The following USP12 variants were observed in gnomAD, a reference collection of about 807,000 sequenced individuals.
USP12 encodes the protein ubiquitin carboxyl-terminal hydrolase 12.
A neutral mutation model predicts 45.5 loss-of-function variants in USP12; 19 were observed. The observed-to-expected ratio is 0.42, with a 90% CI of 0.29 to 0.61. The LOEUF is 0.61. Among genes scored for constraint, USP12 ranks in the 20% least tolerant of loss-of-function variants. USP12 has a pLI of 0.22. For synonymous variants in USP12, 149 were observed against 148.8 expected, an observed-to-expected ratio of 1.00 and a Z score of -0.01; for missense variants, 242 against 447.7, an observed-to-expected ratio of 0.54 and a Z score of 4.15.
At chr13:27,150,984 A>G (rs9512557) in intron 1 of USP12, among the ~76,000 whole-genome samples, 91,547 of 151,922 alleles carry the variant, frequency 0.6, 28,471 homozygotes, top group East Asian at 0.84. Context: ...GGATTGACAC[A>G]GGATTTGGCA....
At chr13:27,077,039 G>A (rs1385954064) in intron 6 of USP12, among the ~76,000 whole-genome samples, 1 of 152,054 alleles carries the variant, frequency 6.6e-6, no homozygotes, top group East Asian at 1.9e-4. Context: ...CTTTTACATT[G>A]TAAAAAATCC....
At chr13:27,081,037 G>A (rs765281543) in intron 6 of USP12, among the ~76,000 whole-genome samples, 31 of 127,222 alleles carry the variant, frequency 2.4e-4, no homozygotes, top group Admixed American at 4.6e-4. Context: ...TTTTTGAGAC[G>A]GAGTCTTGCT....
intron 7 of USP12, among the ~76,000 whole-genome samples, chr13:27,074,498 C>T (rs1873390375): frequency 6.6e-6 from 1 of 152,030 alleles, no homozygotes; most frequent in African/African-American, 2.4e-5. Context: ...GCTGTTAGTA[C>T]AAGTTTCCCA....
At chr13:27,149,009 C>G (rs1323655112) in intron 1 of USP12, among the ~76,000 whole-genome samples, 1 of 151,992 alleles carries the variant, frequency 6.6e-6, no homozygotes, top group Non-Finnish European at 1.5e-5. Flanking sequence ...ATGGTGAGAA[C>G]CCATCTCCAC....
chr13:27,096,223 A>T (rs1374361879), intron 3 of USP12, among the ~76,000 whole-genome samples: 1 of 152,248 alleles, frequency 6.6e-6, no homozygotes, highest in African/African-American at 2.4e-5. Flanking sequence ...ACTGCTTTAG[A>T]CCCACAAAGT....
At chr13:27,130,295 G>T (rs1480715802) in intron 1 of USP12, among the ~76,000 whole-genome samples, 1 of 152,076 alleles carries the variant, frequency 6.6e-6, no homozygotes, top group Non-Finnish European at 1.5e-5. Flanking sequence ...CTTTATTGAG[G>T]GGGATGGGGA....
intron 1 of USP12, among the ~76,000 whole-genome samples, chr13:27,134,479 G>A (rs1318055079): frequency 6.6e-6 from 1 of 152,040 alleles, no homozygotes; most frequent in Non-Finnish European, 1.5e-5. Context: ...CCACATAAAA[G>A]GTAAGCTGTC....
At chr13:27,165,699 A>C (rs891069439) in intron 1 of USP12, among the ~76,000 whole-genome samples, 1 of 152,230 alleles carries the variant, frequency 6.6e-6, no homozygotes, top group Non-Finnish European at 1.5e-5. Flanking sequence ...CAAAGAAAAA[A>C]GTGTCAAAAA....
chr13:27,112,672 C>G (rs1875511928), intron 2 of USP12, among the ~76,000 whole-genome samples: 1 of 152,144 alleles, frequency 6.6e-6, no homozygotes, highest in Non-Finnish European at 1.5e-5. Flanking sequence ...TATAATAGAT[C>G]TGCCACAGCA....
At chr13:27,161,289 A>G (rs1878096674) in intron 1 of USP12, among the ~76,000 whole-genome samples, 1 of 152,212 alleles carries the variant, frequency 6.6e-6, no homozygotes, top group Non-Finnish European at 1.5e-5. Flanking sequence ...TTGGACTAAG[A>G]TAATCACATA....
chr13:27,171,058 C>G (rs1347279634), intron 1 of USP12, among the ~76,000 whole-genome samples: 2 of 151,900 alleles, frequency 1.3e-5, no homozygotes, highest in African/African-American at 2.4e-5. Context: ...CTGCCCGCCC[C>G]GGCCGAGACC....
In USP12 at chr13:27,132,309, G is replaced by C. The variant is rs117439802; in HGVS notation, c.49-15713C>G. On this transcript the variant is annotated intron_variant, in intron 1 of 8. Transcript: ENST00000282344. The stretch of plus-strand genomic sequence containing the variant: ...AGGAGATTGGCTTATGAAGTAGAGA[G>C]GGGCCAGTAGAAATGTTAGTAACTT... Among the ~76,000 whole-genome samples, 330 of 152,260 alleles carry C rather than the reference G, an allele frequency of 2.2e-3. 1 individual carries two copies. Among genetic ancestry groups the C allele is most frequent in the Non-Finnish European group, 3.8e-3 (256 of 68,036 alleles).
At chr13:27,084,169 T>TACACACACACACACACAC (rs374948699) in intron 6 of USP12, among the ~76,000 whole-genome samples, 4 of 142,412 alleles carry the variant, frequency 2.8e-5, no homozygotes, top group Non-Finnish European at 6.1e-5. Context: ...CATGTTTGCA[T>TACACACACACACACACAC]ACACACACAC....
In USP12 at chr13:27,105,770, G is replaced by T. The variant is rs1417559105; in HGVS notation, c.304C>A (p.Pro102Thr). ...AATCTTGTGATGAACTTCTTAGGGG[G>T]TATTACTCCAACCTTTTTCTTCTGA... The part of the protein sequence containing the change: ...ATQKKKVGVI[P>T]PKKFITRLRK... The change falls in exon 3 of 9, where the codon CCC (proline) becomes ACC (threonine). Residue 102 changes from proline to threonine, a missense_variant. Pro to Thr is a conservative substitution (Grantham distance 38). Transcript: ENST00000282344. 1 of 1,613,708 alleles carries T rather than the reference G, an allele frequency of 6.2e-7. No individual in the cohort carries two copies. Among genetic ancestry groups the T allele is most frequent in the Non-Finnish European group, 8.5e-7 (1 of 1,179,766 alleles).
rs1357284519 is a variant in USP12 at position 27,067,746 on chromosome 13, A to T, written c.*1537T>A. 9.9e-5 allele frequency: 15 copies of T among 152,276 alleles called. No homozygotes were observed. Among genetic ancestry groups the T allele is most frequent in the African/African-American group, 2.9e-4 (12 of 41,574 alleles). 9.4% of individuals were successfully genotyped at this position (152,276 alleles called of 1,614,324 possible). ...ACTTTAGAAAATGACAATTTTTTTT[A>T]AATTTACTGCCTGAAAAGAGTTTAA... On this transcript the variant is annotated 3_prime_UTR_variant, in exon 9 of 9. Coordinates refer to ENST00000282344, the MANE Select transcript of USP12 (RefSeq NM_182488.4).
chr13:27,085,574 T>G (rs1873974467), intron 6 of USP12, among the ~76,000 whole-genome samples: 1 of 152,092 alleles, frequency 6.6e-6, no homozygotes, highest in Non-Finnish European at 1.5e-5. Context: ...CTATAAACTT[T>G]CAGAAGTGAA....
At chr13:27,082,063 C>T (rs1267859692) in intron 6 of USP12, among the ~76,000 whole-genome samples, 1 of 152,216 alleles carries the variant, frequency 6.6e-6, no homozygotes, top group African/African-American at 2.4e-5. Context: ...TTAAAAGTCA[C>T]CAGCTGCATT....
chr13:27,123,219 G>T (rs866618802), intron 1 of USP12, among the ~76,000 whole-genome samples: 1 of 152,140 alleles, frequency 6.6e-6, no homozygotes, highest in Admixed American at 6.5e-5. Flanking sequence ...CTTGAGTCTG[G>T]TCTTGGCCAT....
chr13:27,154,273 C>T (rs541531293), intron 1 of USP12, among the ~76,000 whole-genome samples: 18 of 152,348 alleles, frequency 1.2e-4, no homozygotes, highest in African/African-American at 4.3e-4. Context: ...TACATATACT[C>T]TGTTGAGCAA....
Sources: gnomAD v4.1 joint callset for allele counts (sites outside exome capture counted in the v4.1 genomes callset) on GRCh38, gnomAD v4.1.1 for gene constraint, MANE v1.5 for transcripts, NCBI Gene and HGNC (gene_info 2026-07-23, HGNC 2026-07-21) for gene names.